The following ZNF585A variants were observed in gnomAD, a reference collection of about 807,000 sequenced individuals.
ZNF585A encodes zinc finger protein 585A.
In ZNF585A, 9 loss-of-function variants were observed where a neutral mutation model predicts 14.9. The observed-to-expected ratio is 0.60, with a 90% CI of 0.36 to 1.05. The LOEUF is 1.05. Among genes scored for constraint, ZNF585A ranks in the 50% least tolerant of loss-of-function variants. ZNF585A has a pLI of 0.01. For missense variants in ZNF585A, 726 were observed against 926.4 expected, an observed-to-expected ratio of 0.78 and a Z score of 2.81; for synonymous variants, 276 against 319.9, an observed-to-expected ratio of 0.86 and a Z score of 1.46.
intron 2 of ZNF585A, among the ~76,000 whole-genome samples, chr19:37,169,201 A>C (rs1422763434): frequency 1.3e-5 from 2 of 152,212 alleles, no homozygotes; most frequent in African/African-American, 2.4e-5. Context: ...CATAAGAAAT[A>C]AAATTATACC....
chr19:37,145,858 T>C lies in ZNF585A; in HGVS notation c.*5731A>G, dbSNP rs939263760. 2 of 152,366 alleles carry C rather than the reference T, an allele frequency of 1.3e-5. No homozygotes were observed. The highest frequency in any genetic ancestry group is 3.4e-3 in the Middle Eastern group (1 of 294). 9.4% of individuals were successfully genotyped at this position (152,366 alleles called of 1,614,324 possible). A position where few individuals can be genotyped will look rare whatever the true frequency, so the allele number is the denominator to read the frequency against. ...GGATTTCTTAGCATCAGAATTGATA[T>C]GTTGTTATTTATGATATCTTAATAA... On this transcript the variant is annotated 3_prime_UTR_variant, in exon 5 of 5. Coordinates refer to ENST00000292841, the MANE Select transcript of ZNF585A (RefSeq NM_001288800.2).
At chr19:37,155,586 C>T (rs918512101) in intron 4 of ZNF585A, among the ~76,000 whole-genome samples, 4 of 151,822 alleles carry the variant, frequency 2.6e-5, no homozygotes, top group South Asian at 4.2e-4. Flanking sequence ...ACCCAGGAGG[C>T]GGGGGTTGTA....
chr19:37,153,802 C>T (rs889969285), intron 4 of ZNF585A, among the ~76,000 whole-genome samples, 196 bp from the exon 5 acceptor site: 6 of 152,168 alleles, frequency 3.9e-5, no homozygotes, highest in Non-Finnish European at 7.3e-5. Context: ...TATTTTTCTA[C>T]TATCCTTATA....
chr19:37,149,833 A>G lies in ZNF585A; in HGVS notation c.*1756T>C, dbSNP rs1475573499. 1 of 152,280 alleles carries G rather than the reference A, an allele frequency of 6.6e-6. No homozygotes were observed. The highest frequency in any genetic ancestry group is 1.5e-5 in the Non-Finnish European group (1 of 68,122). The allele number at this position is 152,280 out of a possible 1,614,324, so 9.4% of individuals were successfully genotyped here. ...GGGGGGAACTCAGAGGAAAAGGTCTATGAGGCTGGGACCTCATCCTCATCA... is the reference window on the plus strand; with the variant it reads ...GGGGGGAACTCAGAGGAAAAGGTCTGTGAGGCTGGGACCTCATCCTCATCA... On this transcript the variant is annotated 3_prime_UTR_variant, in exon 5 of 5. Coordinates refer to ENST00000292841, the MANE Select transcript of ZNF585A (RefSeq NM_001288800.2).
Position 37,155,961 on chromosome 19 carries a change from T to C in ZNF585A, c.200-4A>G. 4 of 1,613,820 alleles carry C rather than the reference T, an allele frequency of 2.5e-6. No homozygotes were observed. The highest frequency in any genetic ancestry group is 3.4e-6 in the Non-Finnish European group (4 of 1,180,006). ...TCTGCTTCAGGAACTTGATATCCTG[T>C]TCATGGGAAATGATAAAGGTCTGGG... is the stretch of plus-strand genomic sequence containing the variant. On this transcript the variant is annotated splice_region_variant and splice_polypyrimidine_tract_variant and intron_variant, in intron 3 of 4. Transcript: ENST00000292841.
At chr19:37,160,343 AAAAT>A (rs148963406) in intron 2 of ZNF585A, among the ~76,000 whole-genome samples, 8,985 of 138,834 alleles carry the variant, frequency 0.065, 405 homozygotes, top group African/African-American at 0.12. Context: ...ACCTGTCTCA[AAAAT>A]AAATAAATAA....
chr19:37,169,727 C>T, intron 2 of ZNF585A, 112 bp downstream of exon 2: 9 of 1,277,380 alleles, frequency 7.0e-6, no homozygotes, highest in Non-Finnish European at 9.8e-6. Flanking sequence ...GTCTAGAGTC[C>T]AGCTGCTTCC....
At position 37,150,703 on chromosome 19, in the gene ZNF585A, T is replaced by A. The variant is rs912626995; in HGVS notation, c.*886A>T. ...ATTAATCTGTTACATGAAAGTTACA[T>A]CCTTAAGGAAGCCAGATACTAAGCT... On this transcript the variant is annotated 3_prime_UTR_variant, in exon 5 of 5. Coordinates refer to ENST00000292841, the MANE Select transcript of ZNF585A (RefSeq NM_001288800.2). 10 of 152,484 alleles carry A rather than the reference T, an allele frequency of 6.6e-5. No individual in the cohort carries two copies. Among genetic ancestry groups the A allele is most frequent in the African/African-American group, 2.2e-4 (9 of 40,896 alleles). The allele number at this position is 152,484 out of a possible 1,614,324, so 9.4% of individuals were successfully genotyped here.
chr19:37,151,305 T>G lies in ZNF585A; in HGVS notation c.*284A>C. On this transcript the variant is annotated 3_prime_UTR_variant, in exon 5 of 5. Transcript: ENST00000292841. ...TTTCTTAGGAAGAATTTGGTAACAGTATTCTATTGTAGTTTTCATGAGAAG... is the reference window on the plus strand; with the variant it reads ...TTTCTTAGGAAGAATTTGGTAACAGGATTCTATTGTAGTTTTCATGAGAAG... 1 of 452,640 alleles carries G rather than the reference T, an allele frequency of 2.2e-6. No individual in the cohort carries two copies. 28.0% of individuals were successfully genotyped at this position (452,640 alleles called of 1,614,324 possible).
Position 37,153,598 on chromosome 19 carries a change from A to T in ZNF585A, c.301T>A (p.Leu101Ile). The change falls in exon 5 of 5, where the codon TTA becomes ATA. Residue 101 changes from leucine (L) to isoleucine (I), a missense_variant. Transcript: ENST00000292841. ...TTTCTACATTGATTATGGTCCCATA[A>T]TTTCTCTCCTGTTGGAATACACTCA... ...RPRQSCPGEKLWDHNQCRKIL... is the reference protein window; with the variant it reads ...RPRQSCPGEKIWDHNQCRKIL... The T allele has an allele frequency of 6.2e-7, 1 of 1,609,178 alleles. No individual in the cohort carries two copies. Among genetic ancestry groups the T allele is most frequent in the Non-Finnish European group, 8.5e-7 (1 of 1,178,000 alleles).
At position 37,152,898 on chromosome 19, in the gene ZNF585A, A is replaced by T. The variant is rs1700976439; in HGVS notation, c.1001T>A (p.Val334Asp). 6.2e-7 allele frequency: 1 copy of T among 1,614,012 alleles called. No homozygotes were observed. Among genetic ancestry groups the T allele is most frequent in the Admixed American group, 1.7e-5 (1 of 60,002 alleles). ...AACGAGGTTGGAATTATTGCTGAAG[A>T]CCTTCCCATATTCGGTACATATATA... ...KPYICTEYGK[V>D]FSNNSNLVTH... Residue 334 changes from valine to aspartate, a missense_variant, in exon 5 of 5, where the codon GTC (valine) becomes GAC (aspartate). Val to Asp is a radical substitution (Grantham distance 152, BLOSUM62 -3). Around this residue, in one of 2 missense-constraint regions of ZNF585A, gnomAD observed 483 missense variants for 542.8 expected, o/e 0.89. Coordinates refer to ENST00000292841, the MANE Select transcript of ZNF585A (RefSeq NM_001288800.2).
chr19:37,153,403 C>G lies in ZNF585A; in HGVS notation c.496G>C (p.Ala166Pro), dbSNP rs762700640. 4 of 1,614,050 alleles carry G rather than the reference C, an allele frequency of 2.5e-6. No individual in the cohort carries two copies. Among genetic ancestry groups the G allele is most frequent in the Non-Finnish European group, 2.5e-6 (3 of 1,179,992 alleles). Residue 166 changes from alanine (A) to proline (P), a missense_variant, in exon 5 of 5, where the codon GCT becomes CCT. Around this residue, in one of 2 missense-constraint regions of ZNF585A, gnomAD observed 483 missense variants for 542.8 expected, o/e 0.89. Coordinates refer to ENST00000292841, the MANE Select transcript of ZNF585A (RefSeq NM_001288800.2). The part of the protein sequence containing the change: ...KLYVCIECGK[A>P]FVQKPEFIIH... Reference sequence around the variant, plus strand: ...ATAAATTCTGGCTTCTGTACAAAAGCCTTCCCACATTCAATGCATACATAG... The same window carrying G: ...ATAAATTCTGGCTTCTGTACAAAAGGCTTCCCACATTCAATGCATACATAG...
chr19:37,152,310 G>T lies in ZNF585A; in HGVS notation c.1589C>A (p.Ala530Asp). Residue 530 changes from alanine to aspartate, a missense_variant, in exon 5 of 5, where the codon GCC becomes GAC. Physicochemically the swap from Ala to Asp is moderately radical, Grantham distance 126 (BLOSUM62 -2). Transcript: ENST00000292841. ...KPYECNTCGK[A>D]FTQKSHLNIH... The stretch of plus-strand genomic sequence containing the variant: ...ATTGAGGTGTGACTTCTGAGTGAAG[G>T]CTTTTCCACAAGTATTGCATTCATA... 6.2e-7 allele frequency: 1 copy of T among 1,614,152 alleles called. No individual in the cohort carries two copies. The highest frequency in any genetic ancestry group is 8.5e-7 in the Non-Finnish European group (1 of 1,180,040).
chr19:37,158,359 T>C (rs1002227098), intron 2 of ZNF585A, among the ~76,000 whole-genome samples: 22 of 152,210 alleles, frequency 1.4e-4, no homozygotes, highest in African/African-American at 5.1e-4. Context: ...ATAGATCAGC[T>C]AGTAACATCA....
rs1971763233 is a variant in ZNF585A at position 37,147,792 on chromosome 19, C to T, written c.*3797G>A. Reference sequence around the variant, plus strand: ...TTATCAAATGTAATTCAAGTTATCACATGGTTTACCTAAAATACAACAGCA... The same window carrying T: ...TTATCAAATGTAATTCAAGTTATCATATGGTTTACCTAAAATACAACAGCA... On this transcript the variant is annotated 3_prime_UTR_variant, in exon 5 of 5. Coordinates refer to ENST00000292841, the MANE Select transcript of ZNF585A (RefSeq NM_001288800.2). 1 of 152,148 alleles carries T rather than the reference C, an allele frequency of 6.6e-6. No individual in the cohort carries two copies. The highest frequency in any genetic ancestry group is 2.4e-5 in the African/African-American group (1 of 41,424). The allele number at this position is 152,148 out of a possible 1,614,324, so 9.4% of individuals were successfully genotyped here.
Position 37,151,639 on chromosome 19 carries a change from C to G in ZNF585A, c.2260G>C (p.Gly754Arg), listed in dbSNP as rs371795037. The change falls in exon 5 of 5, where the codon GGC (glycine) becomes CGC (arginine). Residue 754 changes from glycine to arginine, a missense_variant. Physicochemically the swap from Gly to Arg is moderately radical, Grantham distance 125 (BLOSUM62 -2). Transcript: ENST00000292841. ...KPYKCGICGK[G>R]FVQKSVFSVH... The stretch of plus-strand genomic sequence containing the variant: ...CTGAACACTGATTTCTGAACGAAGC[C>G]TTTCCCACAGATGCCACACTTGTAG... The G allele has an allele frequency of 1.9e-6, 3 of 1,613,928 alleles. No individual in the cohort carries two copies. The highest frequency in any genetic ancestry group is 2.5e-6 in the Non-Finnish European group (3 of 1,179,940).
At chr19:37,156,598 A>G (rs941247503) in intron 2 of ZNF585A, among the ~76,000 whole-genome samples, 1 of 152,210 alleles carries the variant, frequency 6.6e-6, no homozygotes, top group Admixed American at 6.5e-5. Flanking sequence ...TACTTGCTTT[A>G]TCATACATCT....
chr19:37,171,741 A>G (rs1838054705), intron 1 of ZNF585A, among the ~76,000 whole-genome samples: 2 of 152,140 alleles, frequency 1.3e-5, no homozygotes, highest in Non-Finnish European at 2.9e-5. Flanking sequence ...TCTCTACTAA[A>G]AAATACAAAA....
rs1971759604 is a variant in ZNF585A, at chr19:37,147,610, A to G, written c.*3979T>C. On this transcript the variant is annotated 3_prime_UTR_variant, in exon 5 of 5. Transcript: ENST00000292841. ...TATACTATAAAACAGGTACTATTAT[A>G]TAAAATACAAACTATTTTATTGTCA... The G allele has an allele frequency of 6.6e-6, 1 of 152,234 alleles. No homozygotes were observed. The highest frequency in any genetic ancestry group is 6.5e-5 in the Admixed American group (1 of 15,284). The allele number at this position is 152,234 out of a possible 1,614,324, so 9.4% of individuals were successfully genotyped here.
Sources: gnomAD v4.1 joint callset for allele counts (sites outside exome capture counted in the v4.1 genomes callset) on GRCh38, gnomAD v4.1.1 for gene constraint, gnomAD v4.1.1 regional missense constraint, MANE v1.5 for transcripts, NCBI Gene and HGNC (gene_info 2026-07-23, HGNC 2026-07-21) for gene names.